Variants in SMAP2 observed in about 807,000 individuals in gnomAD.
SMAP2 encodes small ArfGAP2.
In SMAP2, 25 loss-of-function variants were observed where a neutral mutation model predicts 56.4. That is an observed-to-expected ratio of 0.44 (90% CI 0.32 to 0.62). The LOEUF is 0.62. SMAP2 is among the 20% of genes least tolerant of loss of function. The pLI is 0.04. For missense variants in SMAP2, 388 were observed against 545.6 expected (o/e 0.71, Z 2.88); for synonymous variants, 157 against 181.7 (o/e 0.86, Z 1.09).
At chr1:40,384,522 C>T (rs1034750434) in intron 1 of SMAP2, among the ~76,000 whole-genome samples, 8 of 152,158 alleles carry the variant, frequency 5.3e-5, no homozygotes, top group Non-Finnish European at 1.2e-4. Flanking sequence ...TCTAGAAGTG[C>T]TTTTTTTGTC....
intron 1 of SMAP2, among the ~76,000 whole-genome samples, chr1:40,347,022 C>CTATTTATTTATTTATTTATT (rs66542909): frequency 7.0e-6 from 1 of 143,358 alleles, no homozygotes; most frequent in African/African-American, 2.6e-5. Context: ...GCTTAAAAAT[C>CTATTTATTTATTTATTTATT]TATTTATTTA....
chr1:40,379,198 C>G (rs1158174690), intron 1 of SMAP2, among the ~76,000 whole-genome samples: 3 of 152,118 alleles, frequency 2.0e-5, no homozygotes, highest in Non-Finnish European at 4.4e-5. Flanking sequence ...CCTCGAACTC[C>G]TGGCCTCGGG....
chr1:40,344,966 C>CTTTCTTTCTCTTTCTT (rs1224883988), intron 1 of SMAP2: 2 of 151,336 alleles, frequency 1.3e-5, no homozygotes, highest in Non-Finnish European at 3.0e-5. Flanking sequence ...TCTTTTCTTT[C>CTTTCTTTCTCTTTCTT]TTTCTTTCTT....
chr1:40,380,367 A>G (rs1488099016), intron 1 of SMAP2, among the ~76,000 whole-genome samples: 1 of 152,194 alleles, frequency 6.6e-6, no homozygotes. Context: ...TTCTTTGTGT[A>G]GAAATTTTCT....
In SMAP2 at chr1:40,354,767, ATTTTTTT is replaced by A. The variant is rs774191085; in HGVS notation, c.-82-7512_-82-7506del. Among the ~76,000 whole-genome samples the A allele has an allele frequency of 1.3e-3, 86 of 67,324 alleles. No homozygotes were observed. The South Asian group carries it at 0.018, about 14-fold the overall frequency. 44.2% of individuals were successfully genotyped at this position (67,324 alleles called of 152,430 possible). ...GCAGTGAAATGAACCAAAACATTGAATTTTTTTTTTTTTTTTTTTTTTTTTTTGAGAC... is the reference window on the plus strand; with the variant it reads ...GCAGTGAAATGAACCAAAACATTGAATTTTTTTTTTTTTTTTTTTTGAGAC... On this transcript the variant is annotated intron_variant, in intron 1 of 6. Transcript: ENST00000435168.
At chr1:40,410,920 G>A (rs1292113956) in intron 4 of SMAP2, among the ~76,000 whole-genome samples, 3 of 152,146 alleles carry the variant, frequency 2.0e-5, no homozygotes, top group Non-Finnish European at 2.9e-5. Context: ...GAGAGTAAGG[G>A]ATTCTCCACT....
intron 1 of SMAP2, among the ~76,000 whole-genome samples, chr1:40,358,542 T>TCAAAA (rs1458733386): frequency 6.6e-6 from 1 of 151,620 alleles, no homozygotes; most frequent in Non-Finnish European, 1.5e-5. Context: ...AGATTCCATC[T>TCAAAA]CAAAACAAAA....
intron 1 of SMAP2, among the ~76,000 whole-genome samples, chr1:40,401,978 C>T (rs1301441634): frequency 2.0e-5 from 3 of 152,210 alleles, no homozygotes; most frequent in Non-Finnish European, 2.9e-5. Flanking sequence ...CCCACGCCTG[C>T]TCTTAGGCTC....
intron 1 of SMAP2, among the ~76,000 whole-genome samples, chr1:40,397,129 C>T (rs968974071): frequency 1.3e-5 from 2 of 152,158 alleles, no homozygotes; most frequent in African/African-American, 4.8e-5. Context: ...CAAGACCTAA[C>T]ATCTTCATAG....
intron 1 of SMAP2, among the ~76,000 whole-genome samples, chr1:40,359,910 C>G (rs1310648768): frequency 1.3e-5 from 2 of 151,608 alleles, no homozygotes; most frequent in Non-Finnish European, 1.5e-5. Flanking sequence ...TATTTTTGAT[C>G]AGTAAGCAAT....
chr1:40,405,139 T>TAA (rs1644874049), intron 1 of SMAP2, among the ~76,000 whole-genome samples: 1 of 152,240 alleles, frequency 6.6e-6, no homozygotes, highest in African/African-American at 2.4e-5. Context: ...TTCAAATTTC[T>TAA]AAAACTAATT....
intron 1 of SMAP2, chr1:40,403,746 TG>T (rs1345620690): frequency 8.5e-6 from 6 of 708,058 alleles, no homozygotes; most frequent in African/African-American, 1.9e-5. Flanking sequence ...GCTCAGGAAA[TG>T]TAAGTATCTC....
intron 5 of SMAP2, 145 bp from the exon 6 acceptor site, chr1:40,414,014 A>G (rs778748593): frequency 5.5e-5 from 37 of 676,482 alleles, no homozygotes; most frequent in Middle Eastern, 2.5e-4. Context: ...TCTTTCACCT[A>G]ATACTTCCTG....
Position 40,409,853 on chromosome 1 carries a change from C to G in SMAP2, c.402+18C>G, listed in dbSNP as rs368572879. 1 of 1,521,830 alleles carries G rather than the reference C, an allele frequency of 6.6e-7. No individual in the cohort carries two copies. The highest frequency in any genetic ancestry group is 1.4e-5 in the African/African-American group (1 of 73,050). The allele number at this position is 1,521,830 out of a possible 1,614,324, so 94.3% of individuals were successfully genotyped here. A position where few individuals can be genotyped will look rare whatever the true frequency, so the allele number is the denominator to read the frequency against. ...CCTTTAGGGTTGGTTATACATCTTT[C>G]AAGTTTTGTCCACAATAAGTAATGT... On this transcript the variant is annotated intron_variant, in intron 4 of 9. Coordinates refer to ENST00000372718, the MANE Select transcript of SMAP2 (RefSeq NM_022733.3).
In SMAP2 at chr1:40,347,240, GT is replaced by G. The variant is rs200888686; in HGVS notation, c.-83+2334del. ...TGTGTGTGTGTGTTTGTGTGTGTGT[GT>G]TTTGTTTTTGTTTTTTTTTTTTTTT... On this transcript the variant is annotated intron_variant, in intron 1 of 6. Transcript: ENST00000435168. 3.3e-3 allele frequency among the ~76,000 whole-genome samples: 296 copies of G among 88,390 alleles called. 4 individuals are homozygous for G. The highest frequency in any genetic ancestry group is 0.011 in the African/African-American group (268 of 24,882). The allele number at this position is 88,390 out of a possible 152,430, so 58.0% of individuals were successfully genotyped here.
At chr1:40,375,760 G>A in intron 1 of SMAP2, 1 of 984,254 alleles carries the variant, frequency 1.0e-6, no homozygotes, top group Middle Eastern at 5.2e-4. Flanking sequence ...TTGAGTCACA[G>A]TGAAGCAACC....
chr1:40,362,760 G>C (rs138551357), intron 2 of SMAP2, among the ~76,000 whole-genome samples: 167 of 152,194 alleles, frequency 1.1e-3, no homozygotes, highest in African/African-American at 3.9e-3. Flanking sequence ...AGTTATACTT[G>C]CTCTGTCCCT....
At chr1:40,402,501 G>A (rs1644845372) in intron 1 of SMAP2, among the ~76,000 whole-genome samples, 1 of 151,982 alleles carries the variant, frequency 6.6e-6, no homozygotes, top group South Asian at 2.1e-4. Flanking sequence ...CTAGGCTGGA[G>A]TGCAGTGGTG....
Position 40,422,054 on chromosome 1 carries a change from A to G in SMAP2, c.1243A>G (p.Asn415Asp). 6.2e-7 allele frequency: 1 copy of G among 1,614,188 alleles called. No individual in the cohort carries two copies. Among genetic ancestry groups the G allele is most frequent in the Non-Finnish European group, 8.5e-7 (1 of 1,180,024 alleles). The change falls in exon 10 of 10, where the codon AAT becomes GAT. Residue 415 changes from asparagine (N) to aspartate (D), a missense_variant. Physicochemically the swap from Asn to Asp is conservative, Grantham distance 23. Transcript: ENST00000372718. ...CTATGGACAGTCAATGAGTGGCGGA[A>G]ATGGACAGGCAGCAAATCAGACTCT... ...MNYGQSMSGG[N>D]GQAANQTLSP... is the part of the protein sequence containing the mutation.
Sources: gnomAD v4.1 joint callset for allele counts (sites outside exome capture counted in the v4.1 genomes callset) on GRCh38, gnomAD v4.1.1 for gene constraint, MANE v1.5 for transcripts, NCBI Gene and HGNC (gene_info 2026-07-23, HGNC 2026-07-21) for gene names.